Variants in SCG3 observed in about 807,000 individuals in gnomAD.
SCG3 encodes secretogranin III.
Under a neutral mutation model 56.2 loss-of-function variants are expected in SCG3, and 38 were observed. The ratio of observed to expected loss-of-function variants is 0.68; its 90% CI spans 0.52 to 0.89. The LOEUF (loss-of-function observed/expected upper bound fraction) is 0.89, where lower values mean the gene tolerates loss of function less well. Among genes scored for constraint, SCG3 ranks in the 40% least tolerant of loss-of-function variants. The pLI is 0.00. For synonymous variants in SCG3, 176 were observed against 184.2 expected, an observed-to-expected ratio of 0.96 and a Z score of 0.36; for missense variants, 524 against 540.7, an observed-to-expected ratio of 0.97 and a Z score of 0.31.
At position 51,683,112 on chromosome 15, in the gene SCG3, AC is replaced by A. The variant is rs779305465; in HGVS notation, c.170del (p.Thr57AsnfsTer19). 4.3e-6 allele frequency: 7 copies of A among 1,609,982 alleles called. No homozygotes were observed. Among genetic ancestry groups the A allele is most frequent in the East Asian group, 4.5e-5 (2 of 44,812 alleles). On this transcript the variant is annotated frameshift_variant, in exon 3 of 12. Coordinates refer to ENST00000220478, the MANE Select transcript of SCG3 (RefSeq NM_013243.4). LOFTEE classifies it high-confidence loss of function. ...AGCAGAAGAAGACAAGATTAAAAAA[AC>A]ATATCCTCCAGGTAAAAAGAAATCA... ...AEAEEDKIKK[T>X]YPPENKPGQS...
chr15:51,681,646 A>AAC lies in SCG3; in HGVS notation c.-110_-109insAC. 2.5e-6 allele frequency: 1 copy of AAC among 406,976 alleles called. No homozygotes were observed. The highest frequency in any genetic ancestry group is 5.2e-6 in the Non-Finnish European group (1 of 191,918). The allele number at this position is 406,976 out of a possible 1,614,324, so 25.2% of individuals were successfully genotyped here. A position where few individuals can be genotyped will look rare whatever the true frequency, so the allele number is the denominator to read the frequency against. On this transcript the variant is annotated 5_prime_UTR_variant, in exon 1 of 12. Coordinates refer to ENST00000220478, the MANE Select transcript of SCG3 (RefSeq NM_013243.4). ...CCAGTCCCGGCCCCTCTCCCGCCCC[A>AAC]CACCCACCCTCCTGGCTCTTCCTGT...
intron 10 of SCG3, among the ~76,000 whole-genome samples, chr15:51,710,803 C>T (rs1595840603): frequency 1.4e-5 from 2 of 139,950 alleles, no homozygotes; most frequent in African/African-American, 5.3e-5. Context: ...TCCATGTTGC[C>T]CAGGCTAGTC....
chr15:51,713,225 A>C, intron 10 of SCG3, 108 bp from the exon 11 acceptor site: 1 of 718,366 alleles, frequency 1.4e-6, no homozygotes, highest in Non-Finnish European at 2.4e-6. Context: ...CAACCTTGCA[A>C]ATGCTGCATA....
intron 10 of SCG3, among the ~76,000 whole-genome samples, chr15:51,704,764 C>CATACATATATATAT (rs572035996): frequency 1.3e-4 from 9 of 67,044 alleles, no homozygotes; most frequent in South Asian, 6.3e-4. Context: ...GTGAGTAATA[C>CATACATATATATAT]ATATATATAT....
chr15:51,692,828 C>A (rs566028508), intron 7 of SCG3, among the ~76,000 whole-genome samples: 1 of 152,154 alleles, frequency 6.6e-6, no homozygotes, highest in East Asian at 1.9e-4. Context: ...ATGAATCTAA[C>A]TAGTGTATCT....
At chr15:51,704,278 T>TATATATATAA (rs1390526701) in intron 10 of SCG3, among the ~76,000 whole-genome samples, 15 of 131,360 alleles carry the variant, frequency 1.1e-4, no homozygotes, top group South Asian at 7.0e-4. Context: ...TATATATATA[T>TATATATATAA]AAAATAGCTC....
intron 11 of SCG3, among the ~76,000 whole-genome samples, chr15:51,718,136 A>G (rs934758670): frequency 6.6e-6 from 1 of 152,222 alleles, no homozygotes; most frequent in Non-Finnish European, 1.5e-5. Context: ...GTTATAAGCC[A>G]GGAATCATGG....
intron 10 of SCG3, among the ~76,000 whole-genome samples, chr15:51,706,955 T>G (rs1009117075): frequency 3.3e-5 from 5 of 152,240 alleles, no homozygotes; most frequent in Middle Eastern, 3.4e-3. Context: ...TGCTAATAAA[T>G]TATAATTTAT....
At chr15:51,707,267 C>T (rs779009333) in intron 10 of SCG3, among the ~76,000 whole-genome samples, 12 of 152,106 alleles carry the variant, frequency 7.9e-5, no homozygotes, top group Non-Finnish European at 1.2e-4. Flanking sequence ...ATCCTATCAT[C>T]CTCATATCTT....
At chr15:51,686,625 C>T (rs1294679382) in intron 4 of SCG3, among the ~76,000 whole-genome samples, 1 of 151,800 alleles carries the variant, frequency 6.6e-6, no homozygotes, top group Non-Finnish European at 1.5e-5. Flanking sequence ...AGTCTCTGCT[C>T]CTGAAAAATA....
intron 10 of SCG3, among the ~76,000 whole-genome samples, chr15:51,711,982 C>G (rs981547453): frequency 6.6e-6 from 1 of 152,120 alleles, no homozygotes; most frequent in African/African-American, 2.4e-5. Context: ...ACATGGGCAA[C>G]TCTTAGGGCA....
At chr15:51,714,318 A>C (rs1350506410) in intron 11 of SCG3, among the ~76,000 whole-genome samples, 1 of 152,202 alleles carries the variant, frequency 6.6e-6, no homozygotes, top group African/African-American at 2.4e-5. Flanking sequence ...ATCTGGCAGC[A>C]GTGTGACTAC....
At chr15:51,709,142 A>C (rs2055395196) in intron 10 of SCG3, among the ~76,000 whole-genome samples, 1 of 152,228 alleles carries the variant, frequency 6.6e-6, no homozygotes, top group South Asian at 2.1e-4. Context: ...GGAAGGGGAA[A>C]CAAACAAGTC....
In SCG3 at chr15:51,719,677, CA is replaced by C. The variant is rs2055483475; in HGVS notation, c.*152del. ...GTTAACCTTTTACAAGTGGTTAAAA[CA>C]TAGCTTTCTTCCCGTAAAAACTATC... On this transcript the variant is annotated 3_prime_UTR_variant, in exon 12 of 12. Coordinates refer to ENST00000220478, the MANE Select transcript of SCG3 (RefSeq NM_013243.4). The C allele has an allele frequency of 1.7e-6, 1 of 576,612 alleles. No individual in the cohort carries two copies. Among genetic ancestry groups the C allele is most frequent in the African/African-American group, 1.9e-5 (1 of 53,248 alleles). The allele number at this position is 576,612 out of a possible 1,614,324, so 35.7% of individuals were successfully genotyped here. A position where few individuals can be genotyped will look rare whatever the true frequency, so the allele number is the denominator to read the frequency against.
intron 5 of SCG3, among the ~76,000 whole-genome samples, chr15:51,688,607 G>A (rs1049475646): frequency 1.3e-5 from 2 of 151,872 alleles, no homozygotes; most frequent in African/African-American, 2.4e-5. Context: ...GTAGACACAC[G>A]CCCAAAATGC....
intron 10 of SCG3, among the ~76,000 whole-genome samples, chr15:51,709,887 A>ATTTTTTT (rs67775073): frequency 5.9e-5 from 5 of 84,858 alleles, no homozygotes; most frequent in African/African-American, 9.9e-5. Context: ...CGCCCGGCTA[A>ATTTTTTT]TTTTTTTTTT....
chr15:51,707,345 A>G (rs2055382856), intron 10 of SCG3, among the ~76,000 whole-genome samples: 1 of 152,186 alleles, frequency 6.6e-6, no homozygotes, highest in East Asian at 1.9e-4. Flanking sequence ...TCCTGTGGAT[A>G]CACTTATTTT....
chr15:51,719,320 A>G (rs2055480239), intron 11 of SCG3, 88 bp from the exon 12 acceptor site: 5 of 855,550 alleles, frequency 5.8e-6, no homozygotes, highest in Middle Eastern at 2.5e-4. Flanking sequence ...GTGTTATTGT[A>G]TAAAATGCTT....
Position 51,681,822 on chromosome 15 carries a change from C to T in SCG3, c.67C>T (p.Pro23Ser). Residue 23 changes from proline (P) to serine (S), a missense_variant, in exon 1 of 12, where the codon CCT (proline) becomes TCT (serine). Physicochemically the swap from Pro to Ser is moderately conservative, Grantham distance 74. Transcript: ENST00000220478. ...LVLPIQAFPK[P>S]GGSQDKSLHN... ...GCTCCCGATTCAAGCTTTCCCCAAA[C>T]CTGGAGGAAGCCAAGGTATGTGAAC... is the stretch of plus-strand genomic sequence containing the variant. 1 of 1,613,924 alleles carries T rather than the reference C, an allele frequency of 6.2e-7. No homozygotes were observed. Among genetic ancestry groups the T allele is most frequent in the Non-Finnish European group, 8.5e-7 (1 of 1,179,808 alleles).
Sources: gnomAD v4.1 joint callset for allele counts (sites outside exome capture counted in the v4.1 genomes callset) on GRCh38, gnomAD v4.1.1 for gene constraint, MANE v1.5 for transcripts, NCBI Gene and HGNC (gene_info 2026-07-23, HGNC 2026-07-21) for gene names.